The following SEMA6A variants were observed in gnomAD, a reference collection of about 807,000 sequenced individuals.
SEMA6A encodes the protein semaphorin 6A.
Under a neutral mutation model 96.8 loss-of-function variants are expected in SEMA6A, and 25 were observed. That is an observed-to-expected ratio of 0.26 (90% CI 0.19 to 0.36). The LOEUF is 0.36. SEMA6A is among the 10% of genes least tolerant of loss of function. The probability of loss-of-function intolerance (pLI) is 1.00; values close to 1 mark genes in which losing one functional copy is unlikely to be tolerated. For missense variants in SEMA6A, 1,363 were observed against 1,323.1 expected, an observed-to-expected ratio of 1.03 and a Z score of -0.47; for synonymous variants, 612 against 518.0, an observed-to-expected ratio of 1.18 and a Z score of -2.46.
chr5:116,537,776 CAG>C (rs1276116845), intron 1 of SEMA6A, among the ~76,000 whole-genome samples: 8 of 152,052 alleles, frequency 5.3e-5, no homozygotes, highest in African/African-American at 1.4e-4. Context: ...AGGAAATACA[CAG>C]AGAATAACCA....
chr5:116,490,535 G>T (rs1182890241), intron 7 of SEMA6A, among the ~76,000 whole-genome samples: 2 of 152,130 alleles, frequency 1.3e-5, no homozygotes, highest in African/African-American at 4.8e-5. Context: ...CTTTCCACTA[G>T]CCTTGCTCAT....
intron 1 of SEMA6A, among the ~76,000 whole-genome samples, chr5:116,566,413 A>C (rs1446567319): frequency 6.6e-6 from 1 of 152,242 alleles, no homozygotes; most frequent in Non-Finnish European, 1.5e-5. Context: ...AGTATCTATT[A>C]CTAACAATGC....
At chr5:116,510,460 T>G (rs1019042852) in intron 1 of SEMA6A, among the ~76,000 whole-genome samples, 1 of 152,164 alleles carries the variant, frequency 6.6e-6, no homozygotes, top group East Asian at 1.9e-4. Context: ...GCCCCCTTAC[T>G]AGCTGGGACC....
chr5:116,448,755 CAA>C lies in SEMA6A; in HGVS notation c.1895-946_1895-945del, dbSNP rs3984966. 3.4e-3 allele frequency among the ~76,000 whole-genome samples: 360 copies of C among 106,506 alleles called. 1 individual carries two copies. The highest frequency in any genetic ancestry group is 0.018 in the East Asian group (64 of 3,616). 69.9% of individuals were successfully genotyped at this position (106,506 alleles called of 152,430 possible). On this transcript the variant is annotated intron_variant, in intron 18 of 18. Coordinates refer to ENST00000343348, the MANE Select transcript of SEMA6A (RefSeq NM_020796.5). Reference sequence around the variant, plus strand: ...TTTGTGCTGATTTTGCATCACCTCTCAAAAAAAAAAAAAAAAAAAAACAGTGC... The same window carrying C: ...TTTGTGCTGATTTTGCATCACCTCTCAAAAAAAAAAAAAAAAAAACAGTGC...
chr5:116,468,054 C>T (rs1755882672), intron 17 of SEMA6A: 1 of 338,058 alleles, frequency 3.0e-6, no homozygotes, highest in Non-Finnish European at 5.5e-6. Flanking sequence ...AAAGATACCT[C>T]TCGGTGTTGG....
At chr5:116,451,220 T>G (rs1455262629) in intron 18 of SEMA6A, among the ~76,000 whole-genome samples, 4 of 152,208 alleles carry the variant, frequency 2.6e-5, no homozygotes, top group Admixed American at 6.5e-5. Context: ...AGGAAAGAGC[T>G]TAAATGCTGT....
At position 116,491,661 on chromosome 5, in the gene SEMA6A, G is replaced by A. The variant is rs1237357046; in HGVS notation, c.535+79C>T. 4 of 1,065,920 alleles carry A rather than the reference G, an allele frequency of 3.8e-6. No homozygotes were observed. In the South Asian group the frequency reaches 3.8e-5, roughly 10 times the overall value. 66.0% of individuals were successfully genotyped at this position (1,065,920 alleles called of 1,614,324 possible). A position where few individuals can be genotyped will look rare whatever the true frequency, so the allele number is the denominator to read the frequency against. ...AATCAAAGCACAACTGTGACTCCACGAATCCTCTAGAGCAGATTCACAGTG... is the reference window on the plus strand; with the variant it reads ...AATCAAAGCACAACTGTGACTCCACAAATCCTCTAGAGCAGATTCACAGTG... On this transcript the variant is annotated intron_variant, in intron 7 of 18. Transcript: ENST00000343348.
intron 1 of SEMA6A, among the ~76,000 whole-genome samples, chr5:116,531,503 G>A (rs1461269892): frequency 6.6e-6 from 1 of 152,104 alleles, no homozygotes; most frequent in Non-Finnish European, 1.5e-5. Context: ...TCAAAATCTG[G>A]TGGTGAAAGT....
chr5:116,507,024 C>T (rs1758173166), intron 1 of SEMA6A, among the ~76,000 whole-genome samples: 1 of 152,268 alleles, frequency 6.6e-6, no homozygotes, highest in East Asian at 1.9e-4. Context: ...ATGCAAAATT[C>T]TCAACCCCAG....
chr5:116,512,952 TG>T (rs1437793991), intron 1 of SEMA6A, among the ~76,000 whole-genome samples: 1 of 152,214 alleles, frequency 6.6e-6, no homozygotes, highest in Non-Finnish European at 1.5e-5. Flanking sequence ...AAACGTTCTT[TG>T]TTTGTTTGTT....
intron 1 of SEMA6A, among the ~76,000 whole-genome samples, chr5:116,547,370 A>C (rs867123953): frequency 1.3e-5 from 2 of 152,314 alleles, no homozygotes; most frequent in Middle Eastern, 3.4e-3. Flanking sequence ...TTCATCCTAC[A>C]TTTGTATGTT....
intron 17 of SEMA6A, chr5:116,471,153 G>T (rs1002406988): frequency 2.6e-5 from 4 of 152,268 alleles, no homozygotes; most frequent in African/African-American, 4.8e-5. Flanking sequence ...AAATGGATAG[G>T]ATCATTAGCT....
At chr5:116,537,915 G>A (rs1034859573) in intron 1 of SEMA6A, among the ~76,000 whole-genome samples, 1 of 152,186 alleles carries the variant, frequency 6.6e-6, no homozygotes, top group Non-Finnish European at 1.5e-5. Context: ...GGTGTCTCAT[G>A]CCTATAATCC....
chr5:116,485,271 T>TA (rs1210179210), intron 10 of SEMA6A, among the ~76,000 whole-genome samples: 1 of 152,066 alleles, frequency 6.6e-6, no homozygotes, highest in Non-Finnish European at 1.5e-5. Context: ...CCCACACCCT[T>TA]AAAAAACAAG....
intron 3 of SEMA6A, among the ~76,000 whole-genome samples, chr5:116,500,229 C>T (rs972290882): frequency 6.6e-6 from 1 of 152,166 alleles, no homozygotes; most frequent in African/African-American, 2.4e-5. Flanking sequence ...ATTCTCAGGA[C>T]AAACAGTACC....
At position 116,502,317 on chromosome 5, in the gene SEMA6A, C is replaced by G; in HGVS notation, c.111G>C (p.Gln37His). 1 of 1,613,740 alleles carries G rather than the reference C, an allele frequency of 6.2e-7. No homozygotes were observed. The highest frequency in any genetic ancestry group is 8.5e-7 in the Non-Finnish European group (1 of 1,179,768). The change falls in exon 3 of 19, where the codon CAG becomes CAC. Residue 37 changes from glutamine to histidine, a missense_variant. By Grantham distance (24) the Gln-to-His change is conservative. Coordinates refer to ENST00000343348, the MANE Select transcript of SEMA6A (RefSeq NM_020796.5). ...ISISHGNYTK[Q>H]YPVFVGHKPG... is the part of the protein sequence containing the mutation. ...GCTTGTGGCCCACAAACACCGGATA[C>G]TGTTTTGTATCTGTGAAAAGAGGAG...
chr5:116,484,012 T>G (rs1469603670), intron 10 of SEMA6A, among the ~76,000 whole-genome samples: 1 of 142,748 alleles, frequency 7.0e-6, no homozygotes, highest in Non-Finnish European at 1.5e-5. Context: ...TGCAGTGAGC[T>G]GAGACTAAGC....
chr5:116,533,214 T>C (rs1759563665), intron 1 of SEMA6A, among the ~76,000 whole-genome samples: 1 of 152,096 alleles, frequency 6.6e-6, no homozygotes, highest in African/African-American at 2.4e-5. Context: ...ACCCTCTGAA[T>C]GGGCTTTCTA....
intron 18 of SEMA6A, among the ~76,000 whole-genome samples, chr5:116,462,480 G>C (rs1204066838): frequency 6.6e-6 from 1 of 152,192 alleles, no homozygotes; most frequent in African/African-American, 2.4e-5. Flanking sequence ...TAGGGTGCTT[G>C]CTGCTGGTGT....
Sources: allele counts gnomAD v4.1 joint callset (sites outside exome capture counted in the v4.1 genomes callset), GRCh38; gene constraint gnomAD v4.1.1; transcripts MANE v1.5; gene names NCBI Gene and HGNC (gene_info 2026-07-23, HGNC 2026-07-21).